Variants in C5orf47 observed in about 807,000 individuals in gnomAD.
C5orf47 encodes chromosome 5 open reading frame 47, also known as uncharacterized protein C5orf47.
A neutral mutation model predicts 20.6 loss-of-function variants in C5orf47; 20 were observed. The observed-to-expected ratio is 0.97, with a 90% CI of 0.68 to 1.41. C5orf47 has a LOEUF of 1.41. Ranked by LOEUF, C5orf47 falls within the 40% of genes most tolerant of loss-of-function variation. C5orf47 has a pLI of 0.00. For missense variants in C5orf47, 262 were observed against 238.4 expected, an observed-to-expected ratio of 1.10 and a Z score of -0.65; for synonymous variants, 106 against 97.3, an observed-to-expected ratio of 1.09 and a Z score of -0.53.
chr5:173,994,856 C>T (rs1004990520), intron 1 of C5orf47, among the ~76,000 whole-genome samples: 2 of 152,156 alleles, frequency 1.3e-5, no homozygotes, highest in Admixed American at 1.3e-4. Context: ...CACTGTCTCC[C>T]AGGATGGAGT....
At chr5:173,994,281 T>A (rs961883014) in intron 1 of C5orf47, among the ~76,000 whole-genome samples, 1 of 152,196 alleles carries the variant, frequency 6.6e-6, no homozygotes, top group Non-Finnish European at 1.5e-5. Context: ...GATGTAATGG[T>A]TTCACTGGGA....
At chr5:173,994,210 T>C (rs1426642897) in intron 1 of C5orf47, among the ~76,000 whole-genome samples, 1 of 152,228 alleles carries the variant, frequency 6.6e-6, no homozygotes, top group Non-Finnish European at 1.5e-5. Context: ...TGTTGACCAA[T>C]GCTGGCTGCA....
intron 1 of C5orf47, among the ~76,000 whole-genome samples, 184 bp from the exon 2 acceptor site, chr5:173,997,969 G>A (rs1159840919): frequency 6.6e-6 from 1 of 152,092 alleles, no homozygotes; most frequent in East Asian, 1.9e-4. Flanking sequence ...ATTATGTCTA[G>A]TTTTCTTGGT....
rs200668476 is a variant in C5orf47 at position 173,996,839 on chromosome 5, T to TA, written c.326-1313dup. Among the ~76,000 whole-genome samples the TA allele has an allele frequency of 9.9e-4, 151 of 152,278 alleles. 3 individuals carry two copies. In the East Asian group the frequency reaches 0.023, roughly 23 times the overall value. On this transcript the variant is annotated intron_variant, in intron 1 of 4. Transcript: ENST00000340147. Reference sequence around the variant, plus strand: ...GTCACGAAGGGAGACGACCAAGTCTTAGAGAAGTCTTAATAACATACTGGT... The same window carrying TA: ...GTCACGAAGGGAGACGACCAAGTCTTAAGAGAAGTCTTAATAACATACTGGT...
chr5:173,989,685 T>TG, intron 1 of C5orf47, 97 bp downstream of exon 1: 1 of 1,099,040 alleles, frequency 9.1e-7, no homozygotes, highest in Non-Finnish European at 1.2e-6. Context: ...CGCAGGAGGC[T>TG]GGGGGCAGCT....
At chr5:174,000,813 G>A (rs1327600353) in intron 3 of C5orf47, among the ~76,000 whole-genome samples, 1 of 152,060 alleles carries the variant, frequency 6.6e-6, no homozygotes, top group African/African-American at 2.4e-5. Flanking sequence ...AGAAGTCAGA[G>A]GTATCTTAAA....
At chr5:173,991,651 C>T (rs1310229067) in intron 1 of C5orf47, among the ~76,000 whole-genome samples, 5 of 152,006 alleles carry the variant, frequency 3.3e-5, no homozygotes, top group Admixed American at 3.3e-4. Context: ...ACCTTGCATT[C>T]CTGAAGTAAA....
At chr5:174,006,816 A>G (rs58799785), downstream of C5orf47, among the ~76,000 whole-genome samples, 21,331 of 152,088 alleles carry the variant, frequency 0.14, 2,082 homozygotes, top group African/African-American at 0.27. Flanking sequence ...AGCCATGAAA[A>G]TGTGCTTCTT....
In C5orf47 at chr5:173,989,414, C is replaced by G. The variant is rs936721204; in HGVS notation, c.151C>G (p.Gln51Glu). Residue 51 changes from glutamine to glutamate, a missense_variant, in exon 1 of 5, where the codon CAG becomes GAG. Gln to Glu is a conservative substitution (Grantham distance 29). Transcript: ENST00000340147. Reference sequence around the variant, plus strand: ...TCAGGGGCCTGGGGCAGGCTGTCGCCAGGAGAAGCCGAGGGAAGCAATGGC... The same window carrying G: ...TCAGGGGCCTGGGGCAGGCTGTCGCGAGGAGAAGCCGAGGGAAGCAATGGC... Reference protein sequence around the residue: ...WGQGPGAGCRQEKPREAMAVA... With the variant: ...WGQGPGAGCREEKPREAMAVA... 7 of 1,547,526 alleles carry G rather than the reference C, an allele frequency of 4.5e-6. No individual in the cohort carries two copies. In the African/African-American group the frequency reaches 6.9e-5, roughly 15 times the overall value.
downstream of C5orf47, among the ~76,000 whole-genome samples, chr5:174,008,047 A>G (rs67345436): frequency 0.14 from 21,332 of 152,138 alleles, 2,085 homozygotes; most frequent in African/African-American, 0.27. Flanking sequence ...AAATGCTACA[A>G]AGATTCAGGG....
At chr5:174,008,074 A>G (rs1421889292), downstream of C5orf47, among the ~76,000 whole-genome samples, 2 of 152,222 alleles carry the variant, frequency 1.3e-5, no homozygotes, top group East Asian at 3.8e-4. Context: ...CTGGATTTTC[A>G]GTGAAGATTT....
chr5:174,007,423 G>T (rs1759308812), downstream of C5orf47, among the ~76,000 whole-genome samples: 1 of 152,186 alleles, frequency 6.6e-6, no homozygotes, highest in African/African-American at 2.4e-5. Context: ...GTTAGAGCAG[G>T]AGCATGGTAT....
downstream of C5orf47, among the ~76,000 whole-genome samples, chr5:174,006,460 G>A (rs1322073144): frequency 6.6e-6 from 1 of 152,010 alleles, no homozygotes; most frequent in African/African-American, 2.4e-5. Flanking sequence ...CACCTGAAAG[G>A]TTTCAGGTAA....
chr5:173,994,236 G>A (rs1471486158), intron 1 of C5orf47, among the ~76,000 whole-genome samples: 2 of 152,158 alleles, frequency 1.3e-5, no homozygotes, highest in African/African-American at 2.4e-5. Context: ...TGCAGTTTTC[G>A]GTGCATCTCA....
At chr5:173,996,284 T>A (rs1250109443) in intron 1 of C5orf47, among the ~76,000 whole-genome samples, 4 of 152,120 alleles carry the variant, frequency 2.6e-5, no homozygotes, top group African/African-American at 9.7e-5. Context: ...GAAACATAAG[T>A]CAGGACAAAA....
rs144698276 is a variant in C5orf47 at position 173,991,831 on chromosome 5, A to G, written c.325+2243A>G. Among the ~76,000 whole-genome samples, 964 of 152,348 alleles carry G rather than the reference A, an allele frequency of 6.3e-3. 6 individuals carry two copies. The highest frequency in any genetic ancestry group is 0.01 in the Non-Finnish European group (686 of 68,020). On this transcript the variant is annotated intron_variant, in intron 1 of 4. Coordinates refer to ENST00000340147, the MANE Select transcript of C5orf47 (RefSeq NM_001144954.2). ...CTGTGTTTACTTCATAAAAGGAATT[A>G]GGAATTTTTCCTTTTCTATGCTCTT...
chr5:174,000,197 C>A lies in C5orf47; in HGVS notation c.511+398C>A, dbSNP rs76682989. Among the ~76,000 whole-genome samples the A allele has an allele frequency of 8.9e-3, 1,349 of 152,200 alleles. 16 individuals are homozygous for A. The highest frequency in any genetic ancestry group is 0.062 in the East Asian group (323 of 5,182). On this transcript the variant is annotated intron_variant, in intron 3 of 4. Transcript: ENST00000340147. ...ATTGTGTCACTTCATGTAGTCATTT[C>A]CTCTCCATGGAAGCTACATTCCTAC...
intron 4 of C5orf47, among the ~76,000 whole-genome samples, chr5:174,002,855 G>GT (rs1393185077): frequency 6.6e-6 from 1 of 152,046 alleles, no homozygotes; most frequent in Non-Finnish European, 1.5e-5. Flanking sequence ...TCCTTAATCT[G>GT]TAGCAGTTTG....
At position 173,989,415 on chromosome 5, in the gene C5orf47, A is replaced by T; in HGVS notation, c.152A>T (p.Gln51Leu). ...CAGGGGCCTGGGGCAGGCTGTCGCC[A>T]GGAGAAGCCGAGGGAAGCAATGGCG... ...WGQGPGAGCR[Q>L]EKPREAMAVA... is the part of the protein sequence containing the mutation. Residue 51 changes from glutamine to leucine, a missense_variant, in exon 1 of 5, where the codon CAG becomes CTG. Transcript: ENST00000340147. The T allele has an allele frequency of 4.5e-6, 7 of 1,547,890 alleles. No individual in the cohort carries two copies. Among genetic ancestry groups the T allele is most frequent in the Non-Finnish European group, 6.1e-6 (7 of 1,145,286 alleles).
Sources: allele counts gnomAD v4.1 joint callset (sites outside exome capture counted in the v4.1 genomes callset), GRCh38; gene constraint gnomAD v4.1.1; transcripts MANE v1.5; gene names NCBI Gene and HGNC (gene_info 2026-07-23, HGNC 2026-07-21).